The following LRP12 variants were observed in gnomAD, a reference collection of about 807,000 sequenced individuals.
LRP12 encodes the protein LDL receptor related protein 12, also known as low-density lipoprotein receptor-related protein 12.
A neutral mutation model predicts 66.0 loss-of-function variants in LRP12; 14 were observed. The observed-to-expected ratio is 0.21, with a 90% CI of 0.14 to 0.33. The LOEUF (loss-of-function observed/expected upper bound fraction) is 0.33, where lower values mean the gene tolerates loss of function less well. LRP12 is among the 10% of genes least tolerant of loss of function. The pLI, the probability that LRP12 is intolerant of heterozygous loss-of-function variation, is 1.00. For synonymous variants in LRP12, 357 were observed against 359.1 expected (o/e 0.99, Z 0.07); for missense variants, 889 against 1,053.4 (o/e 0.84, Z 2.16).
chr8:104,541,449 C>T (rs200600022), intron 1 of LRP12, among the ~76,000 whole-genome samples: 4 of 152,014 alleles, frequency 2.6e-5, no homozygotes, highest in Non-Finnish European at 5.9e-5. Flanking sequence ...GAATTCAGAA[C>T]GCCAGGAAAA....
At chr8:104,551,166 AC>A (rs151317525) in intron 1 of LRP12, among the ~76,000 whole-genome samples, 1,978 of 152,206 alleles carry the variant, frequency 0.013, 48 homozygotes, top group African/African-American at 0.044. Flanking sequence ...AATATGATGT[AC>A]CCTTTGCATG....
At chr8:104,548,218 TATATG>T (rs1457265921) in intron 1 of LRP12, among the ~76,000 whole-genome samples, 5 of 103,596 alleles carry the variant, frequency 4.8e-5, no homozygotes, top group South Asian at 2.6e-4. Flanking sequence ...TTTATATTAA[TATATG>T]ATATATTTAT....
chr8:104,575,475 C>T (rs956063502), intron 1 of LRP12, among the ~76,000 whole-genome samples: 6 of 152,166 alleles, frequency 3.9e-5, no homozygotes, highest in Non-Finnish European at 5.9e-5. Flanking sequence ...CAATACAAGT[C>T]CCCCAGAGTT....
At chr8:104,514,426 C>T (rs1342369601) in intron 2 of LRP12, among the ~76,000 whole-genome samples, 4 of 151,466 alleles carry the variant, frequency 2.6e-5, no homozygotes, top group Non-Finnish European at 5.9e-5. Flanking sequence ...CTTAAGTCTC[C>T]GGCCAAGTGT....
intron 1 of LRP12, among the ~76,000 whole-genome samples, chr8:104,548,139 AATT>A (rs1446233067): frequency 7.3e-5 from 7 of 95,844 alleles, no homozygotes; most frequent in Non-Finnish European, 1.1e-4. Flanking sequence ...ATATAATTAT[AATT>A]ATATTATATA....
rs1216317676 is a variant in LRP12, at chr8:104,495,202, C to G, written c.1588G>C (p.Glu530Gln). Residue 530 changes from glutamate (E) to glutamine (Q), a missense_variant, in exon 6 of 7, where the codon GAA becomes CAA. Physicochemically the swap from Glu to Gln is conservative, Grantham distance 29 (BLOSUM62 2). Coordinates refer to ENST00000276654, the MANE Select transcript of LRP12 (RefSeq NM_013437.5). ...GCTTCCACTCTTGACAACTGTGTTTCAAATGATCTTTGAGAGTAGATGGAA... is the reference window on the plus strand; with the variant it reads ...GCTTCCACTCTTGACAACTGTGTTTGAAATGATCTTTGAGAGTAGATGGAA... The part of the protein sequence containing the change: ...SLRMFERRSF[E>Q]TQLSRVEAEL... 3.7e-6 allele frequency: 6 copies of G among 1,612,242 alleles called. No homozygotes were observed. Among genetic ancestry groups the G allele is most frequent in the Non-Finnish European group, 5.1e-6 (6 of 1,179,348 alleles).
intron 1 of LRP12, among the ~76,000 whole-genome samples, chr8:104,548,348 T>TATATTATATAAATATATTATATAA (rs1811658045): frequency 1.3e-4 from 6 of 45,188 alleles, no homozygotes; most frequent in South Asian, 6.3e-4. Flanking sequence ...AATATATAAA[T>TATATTATATAAATATATTATATAA]ATATAATATA....
intron 2 of LRP12, among the ~76,000 whole-genome samples, chr8:104,527,492 C>A (rs1175713474): frequency 6.6e-6 from 1 of 150,924 alleles, no homozygotes; most frequent in Non-Finnish European, 1.5e-5. Context: ...CCATGGAATA[C>A]TATGCAGCCA....
At chr8:104,529,026 A>T (rs986701745) in intron 2 of LRP12, among the ~76,000 whole-genome samples, 1 of 152,216 alleles carries the variant, frequency 6.6e-6, no homozygotes, top group Non-Finnish European at 1.5e-5. Context: ...ACATTTTGTT[A>T]TGGCCTGAAA....
At chr8:104,518,167 T>C (rs1811097911) in intron 2 of LRP12, among the ~76,000 whole-genome samples, 1 of 152,102 alleles carries the variant, frequency 6.6e-6, no homozygotes, top group Non-Finnish European at 1.5e-5. Context: ...CCAAGAACTG[T>C]AAGTATCATT....
intron 2 of LRP12, among the ~76,000 whole-genome samples, chr8:104,528,250 C>T (rs2140859787): frequency 6.6e-6 from 1 of 152,248 alleles, no homozygotes; most frequent in East Asian, 1.9e-4. Flanking sequence ...GTGAAAAGAG[C>T]AGGGGAAGAG....
At chr8:104,503,814 T>C (rs570951856) in intron 3 of LRP12, among the ~76,000 whole-genome samples, 2 of 152,326 alleles carry the variant, frequency 1.3e-5, no homozygotes, top group South Asian at 4.1e-4. Context: ...ATTTTCTTTA[T>C]ATCACTGATT....
chr8:104,520,570 C>A (rs1039065936), intron 2 of LRP12, among the ~76,000 whole-genome samples: 3 of 151,990 alleles, frequency 2.0e-5, no homozygotes, highest in Admixed American at 2.0e-4. Flanking sequence ...TGTCTTTTGT[C>A]AAGGGTGGTA....
chr8:104,527,383 C>G lies in LRP12; in HGVS notation c.136+4524G>C, dbSNP rs868597672. Among the ~76,000 whole-genome samples, 563 of 149,188 alleles carry G rather than the reference C, an allele frequency of 3.8e-3. 1 individual carries two copies. Among genetic ancestry groups the G allele is most frequent in the Admixed American group, 7.4e-3 (109 of 14,814 alleles). On this transcript the variant is annotated intron_variant, in intron 2 of 6. Coordinates refer to ENST00000276654, the MANE Select transcript of LRP12 (RefSeq NM_013437.5). ...TGCTGCTATAAAGACACATGCACAC[C>G]TATGTTTACTGCGGCACTATTCACA...
At chr8:104,566,755 C>A (rs896191705) in intron 1 of LRP12, among the ~76,000 whole-genome samples, 1 of 151,946 alleles carries the variant, frequency 6.6e-6, no homozygotes, top group East Asian at 1.9e-4. Context: ...ATCTTCAATA[C>A]GTTATTTAAT....
At position 104,495,394 on chromosome 8, in the gene LRP12, G is replaced by T. The variant is rs1472334047; in HGVS notation, c.1581-185C>A. 5.5e-6 allele frequency: 3 copies of T among 549,342 alleles called. No individual in the cohort carries two copies. In the African/African-American group the frequency reaches 5.6e-5, roughly 10 times the overall value. 34.0% of individuals were successfully genotyped at this position (549,342 alleles called of 1,614,324 possible). A position where few individuals can be genotyped will look rare whatever the true frequency, so the allele number is the denominator to read the frequency against. Reference sequence around the variant, plus strand: ...ACAGTGGGAATACAAAGCTGACGCAGGCAGTCTGTCTTCATAGGGCTTTAT... The same window carrying T: ...ACAGTGGGAATACAAAGCTGACGCATGCAGTCTGTCTTCATAGGGCTTTAT... On this transcript the variant is annotated intron_variant, in intron 5 of 6. Coordinates refer to ENST00000276654, the MANE Select transcript of LRP12 (RefSeq NM_013437.5).
At chr8:104,555,393 C>T (rs148697321) in intron 1 of LRP12, among the ~76,000 whole-genome samples, 13 of 152,218 alleles carry the variant, frequency 8.5e-5, no homozygotes, top group East Asian at 3.9e-4. Context: ...GATAAGAATT[C>T]GCCAACCACG....
chr8:104,541,388 A>C (rs569064193), intron 1 of LRP12, among the ~76,000 whole-genome samples: 12 of 152,220 alleles, frequency 7.9e-5, no homozygotes, highest in Non-Finnish European at 1.2e-4. Context: ...TACTAAGTTC[A>C]AAGGTTCCTA....
intron 1 of LRP12, among the ~76,000 whole-genome samples, chr8:104,583,802 T>C (rs1310958670): frequency 6.6e-6 from 1 of 152,198 alleles, no homozygotes; most frequent in Non-Finnish European, 1.5e-5. Flanking sequence ...CTGACAGGAT[T>C]GCCAAATAAG....
Sources: allele counts gnomAD v4.1 joint callset (sites outside exome capture counted in the v4.1 genomes callset), GRCh38; gene constraint gnomAD v4.1.1; transcripts MANE v1.5; gene names NCBI Gene and HGNC (gene_info 2026-07-23, HGNC 2026-07-21).